The following RALYL variants were observed in gnomAD, a reference collection of about 807,000 sequenced individuals.
The protein encoded by RALYL is RALY RNA binding protein like.
In RALYL, 29 loss-of-function variants were observed where a neutral mutation model predicts 35.1. The observed-to-expected ratio is 0.83, with a 90% confidence interval of 0.61 to 1.13. The LOEUF (loss-of-function observed/expected upper bound fraction) is 1.13, where lower values mean the gene tolerates loss of function less well. RALYL is among the 50% of genes most tolerant of loss of function. The pLI, the probability that RALYL is intolerant of heterozygous loss-of-function variation, is 0.00. For synonymous variants in RALYL, 120 were observed against 127.6 expected, an observed-to-expected ratio of 0.94 and a Z score of 0.40; for missense variants, 359 against 360.4, an observed-to-expected ratio of 1.00 and a Z score of 0.03.
intron 2 of RALYL, among the ~76,000 whole-genome samples, chr8:84,600,600 C>T (rs1414169029): frequency 6.6e-6 from 1 of 152,128 alleles, no homozygotes; most frequent in Non-Finnish European, 1.5e-5. Context: ...CCTTCTAGAT[C>T]TCACAGACTG....
At chr8:84,558,442 T>C (rs1000468454) in intron 2 of RALYL, among the ~76,000 whole-genome samples, 1 of 152,160 alleles carries the variant, frequency 6.6e-6, no homozygotes, top group African/African-American at 2.4e-5. Context: ...TGAATCAGCC[T>C]AGTTGTTTCA....
intron 1 of RALYL, among the ~76,000 whole-genome samples, chr8:84,431,338 C>T (rs1324742646): frequency 6.6e-6 from 1 of 152,148 alleles, no homozygotes; most frequent in African/African-American, 2.4e-5. Context: ...CTGACTCCCA[C>T]CACTCACCAC....
At chr8:84,804,828 G>T in intron 4 of RALYL, 26 bp downstream of exon 4, 1 of 1,017,992 alleles carries the variant, frequency 9.8e-7, no homozygotes. Flanking sequence ...AATACTTTAA[G>T]TATTAATTAT....
chr8:84,697,982 C>G (rs190459408), intron 2 of RALYL, among the ~76,000 whole-genome samples: 33 of 152,192 alleles, frequency 2.2e-4, no homozygotes, highest in Middle Eastern at 6.8e-3. Flanking sequence ...ATAATTCCAA[C>G]TAAAGTAAAA....
At chr8:84,710,100 C>T (rs1841926807) in intron 2 of RALYL, among the ~76,000 whole-genome samples, 1 of 151,872 alleles carries the variant, frequency 6.6e-6, no homozygotes, top group Non-Finnish European at 1.5e-5. Flanking sequence ...ACGAATTGTC[C>T]TTGAAATTCA....
At chr8:84,915,654 G>T (rs567988780) in intron 8 of RALYL, among the ~76,000 whole-genome samples, 3 of 152,034 alleles carry the variant, frequency 2.0e-5, no homozygotes, top group Non-Finnish European at 4.4e-5. Context: ...TGCTCTGTTT[G>T]CAAGATTAGA....
chr8:84,616,953 C>G (rs1819868252), intron 2 of RALYL, among the ~76,000 whole-genome samples: 1 of 149,606 alleles, frequency 6.7e-6, no homozygotes, highest in South Asian at 2.1e-4. Context: ...TGATCTATAT[C>G]TCTGTTTTGG....
chr8:84,359,257 A>G (rs1852462531), intron 1 of RALYL, among the ~76,000 whole-genome samples: 1 of 151,336 alleles, frequency 6.6e-6, no homozygotes, highest in South Asian at 2.1e-4. Context: ...TTTTTAAAGA[A>G]CAAACAAAAA....
At chr8:84,842,675 T>G (rs1833701834) in intron 4 of RALYL, among the ~76,000 whole-genome samples, 1 of 152,074 alleles carries the variant, frequency 6.6e-6, no homozygotes, top group Non-Finnish European at 1.5e-5. Flanking sequence ...AAAAAGAGAA[T>G]TTTAGACCAA....
chr8:84,694,512 AT>A (rs1421968027), intron 2 of RALYL, among the ~76,000 whole-genome samples: 1 of 151,852 alleles, frequency 6.6e-6, no homozygotes, highest in Non-Finnish European at 1.5e-5. Flanking sequence ...AAGAATTAAT[AT>A]TTTTTAAATG....
chr8:84,424,734 G>T (rs2046136804), intron 1 of RALYL, among the ~76,000 whole-genome samples: 2 of 152,002 alleles, frequency 1.3e-5, no homozygotes, highest in South Asian at 4.1e-4. Flanking sequence ...TTTTGGTGTG[G>T]ATGTCCTTTC....
rs78505453 is a variant in RALYL at position 84,593,381 on chromosome 8, A to G, written c.256+63804A>G. Among the ~76,000 whole-genome samples the G allele has an allele frequency of 1.9e-3, 283 of 152,194 alleles. 2 individuals are homozygous for G. The highest frequency in any genetic ancestry group is 6.6e-3 in the African/African-American group (274 of 41,552). On this transcript the variant is annotated intron_variant, in intron 2 of 8. Coordinates refer to ENST00000521268, the MANE Select transcript of RALYL (RefSeq NM_173848.7). ...TTTCCTCATGCGTCGCCAATCTTCA[A>G]TTTAGAGTCCTGAATAAAAAATCTG...
chr8:84,643,198 C>G (rs190567104), intron 2 of RALYL, among the ~76,000 whole-genome samples: 2 of 151,946 alleles, frequency 1.3e-5, no homozygotes, highest in East Asian at 3.9e-4. Flanking sequence ...CCCCCCACCC[C>G]CAAAAGTCAG....
intron 8 of RALYL, among the ~76,000 whole-genome samples, chr8:84,894,865 T>C (rs1844464893): frequency 6.6e-6 from 1 of 152,204 alleles, no homozygotes; most frequent in African/African-American, 2.4e-5. Flanking sequence ...GGAGGTTGGA[T>C]GGCTTAACTG....
chr8:84,239,206 T>C (rs1022272929), intron 1 of RALYL, among the ~76,000 whole-genome samples: 1 of 152,190 alleles, frequency 6.6e-6, no homozygotes, highest in East Asian at 1.9e-4. Flanking sequence ...GTTTTTATTA[T>C]AGAGAACAGA....
intron 1 of RALYL, among the ~76,000 whole-genome samples, chr8:84,496,218 G>A (rs954955755): frequency 1.3e-5 from 2 of 151,972 alleles, no homozygotes; most frequent in East Asian, 1.9e-4. Context: ...TTTCTTTTAG[G>A]TTTAGTCATG....
At position 84,183,460 on chromosome 8, in the gene RALYL, C is replaced by A; in HGVS notation, c.-988C>A. The A allele has an allele frequency of 6.5e-6, 1 of 152,902 alleles. No individual in the cohort carries two copies. Among genetic ancestry groups the A allele is most frequent in the South Asian group, 1.9e-4 (1 of 5,204 alleles). 9.5% of individuals were successfully genotyped at this position (152,902 alleles called of 1,614,324 possible). The stretch of plus-strand genomic sequence containing the variant: ...CCTGCAAGTCAGCCTGGCTCCGAGT[C>A]ACGTGTCAGTGCCTGAGGCAGAGAC... On this transcript the variant is annotated 5_prime_UTR_variant, in exon 1 of 9. Transcript: ENST00000521268.
In RALYL at chr8:84,622,362, G is replaced by A. The variant is rs936369554; in HGVS notation, c.256+92785G>A. Among the ~76,000 whole-genome samples the A allele has an allele frequency of 2.6e-5, 4 of 152,186 alleles. No homozygotes were observed. In the East Asian group the frequency reaches 7.7e-4, roughly 29 times the overall value. ...GTAATGTTAAAGAAATCTACACTGT[G>A]ATTTTCTTTGAGCTCAGAATTCAGC... On this transcript the variant is annotated intron_variant, in intron 2 of 8. Coordinates refer to ENST00000521268, the MANE Select transcript of RALYL (RefSeq NM_173848.7).
chr8:84,887,531 G>A, intron 7 of RALYL, 73 bp from the exon 8 acceptor site: 1 of 1,393,768 alleles, frequency 7.2e-7, no homozygotes, highest in Non-Finnish European at 9.8e-7. Context: ...TTCATGGACT[G>A]TTTTTTCATG....
Sources: gnomAD v4.1 joint callset for allele counts (sites outside exome capture counted in the v4.1 genomes callset) on GRCh38, gnomAD v4.1.1 for gene constraint, MANE v1.5 for transcripts, NCBI Gene and HGNC (gene_info 2026-07-23, HGNC 2026-07-21) for gene names.